DMD: variants seen among roughly 807,000 people sequenced by gnomAD.
DMD encodes dystrophin, also known as mutant dystrophin.
In DMD, 63 loss-of-function variants were observed where a neutral mutation model predicts 330.1. That is an observed-to-expected ratio of 0.19 (90% CI 0.16 to 0.24). The LOEUF is 0.24. Ranked by LOEUF, DMD falls within the 10% of genes least tolerant of loss-of-function variation. DMD has a pLI of 1.00. For missense variants in DMD, 3,344 were observed against 2,684.1 expected, an observed-to-expected ratio of 1.25 and a Z score of -5.43; for synonymous variants, 1,223 against 959.8, an observed-to-expected ratio of 1.27 and a Z score of -5.07.
chrX:32,599,103 C>A (rs368989907), intron 12 of DMD, among the ~76,000 whole-genome samples: 1 of 112,120 alleles, frequency 8.9e-6, no homozygotes, highest in Admixed American at 9.5e-5. Flanking sequence ...TTTTTGAGCA[C>A]ACTAAATAGC....
At chrX:32,995,609 G>A (rs12861562) in intron 2 of DMD, among the ~76,000 whole-genome samples, 3,010 of 111,875 alleles carry the variant, frequency 0.027, 72 homozygotes, top group East Asian at 0.18. Context: ...ATATTGCCAC[G>A]GAAGAAGGCT....
At chrX:31,405,308 G>A (rs1222415232) in intron 60 of DMD, among the ~76,000 whole-genome samples, 1 of 112,062 alleles carries the variant, frequency 8.9e-6, no homozygotes, top group Non-Finnish European at 1.9e-5. Flanking sequence ...GAATTAAAAG[G>A]TTTAAAATGG....
chrX:33,250,207 C>T (rs1479827597), intron 1 of DMD, among the ~76,000 whole-genome samples: 1 of 103,150 alleles, frequency 9.7e-6, no homozygotes, highest in Admixed American at 1.1e-4. Context: ...TTGTGGAAGA[C>T]AATTATTCCA....
Position 32,614,980 on chromosome X carries a change from C to A in DMD, c.1332-527G>T, listed in dbSNP as rs903599131. Among the ~76,000 whole-genome samples, 3 of 110,739 alleles carry A rather than the reference C, an allele frequency of 2.7e-5. No individual in the cohort carries two copies. In the South Asian group the frequency reaches 1.1e-3, roughly 42 times the overall value. On this transcript the variant is annotated intron_variant, in intron 11 of 78. Transcript: ENST00000357033. ...ATTTGTATTTCTTCCTCTCTTGAAG[C>A]CTAGATTCCATGCTGTAAAGGAGGC...
At chrX:32,073,089 T>G (rs181807077) in intron 44 of DMD, among the ~76,000 whole-genome samples, 1 of 112,177 alleles carries the variant, frequency 8.9e-6, no homozygotes, top group South Asian at 3.6e-4. Flanking sequence ...ACGTACTTAC[T>G]ACTTCACTTA....
intron 7 of DMD, among the ~76,000 whole-genome samples, chrX:32,772,213 C>T (rs2073684308): frequency 8.9e-6 from 1 of 112,453 alleles, no homozygotes; most frequent in African/African-American, 3.2e-5. Flanking sequence ...TTTTTGAATG[C>T]CGTTATTAAT....
chrX:32,326,858 GA>G (rs2097653206), intron 41 of DMD, among the ~76,000 whole-genome samples: 1 of 107,994 alleles, frequency 9.3e-6, no homozygotes, highest in African/African-American at 3.4e-5. Flanking sequence ...AGTGAGCCGA[GA>G]TCATGCCACT....
intron 18 of DMD, chrX:32,517,686 C>G (rs2148801478): frequency 2.8e-6 from 1 of 351,049 alleles, no homozygotes; most frequent in Non-Finnish European, 4.9e-6. Flanking sequence ...TTGCTAAGGC[C>G]TAGCCTTGAG....
chrX:31,411,759 G>C (rs77694219), intron 60 of DMD, among the ~76,000 whole-genome samples: 1 of 109,840 alleles, frequency 9.1e-6, no homozygotes, highest in Non-Finnish European at 1.9e-5. Context: ...TCAGCCTCCC[G>C]AGTAGCTGGG....
intron 47 of DMD, among the ~76,000 whole-genome samples, chrX:31,895,422 A>AT (rs761017177): frequency 3.6e-5 from 4 of 111,637 alleles, no homozygotes; most frequent in Non-Finnish European, 7.5e-5. Context: ...ACTTTTCAGT[A>AT]TTTTTTGTTG....
chrX:32,912,433 C>T (rs1015198212), intron 2 of DMD, among the ~76,000 whole-genome samples: 2 of 110,898 alleles, frequency 1.8e-5, no homozygotes, highest in African/African-American at 6.6e-5. Flanking sequence ...AGGGCACATA[C>T]ATGGGCCCTG....
chrX:31,197,951 G>A (rs939865133), intron 67 of DMD, among the ~76,000 whole-genome samples: 3 of 105,386 alleles, frequency 2.8e-5, no homozygotes, highest in Non-Finnish European at 3.9e-5. Context: ...GTACGGAACC[G>A]GAAGACGTTA....
At chrX:32,678,161 T>G (rs774093049) in intron 9 of DMD, among the ~76,000 whole-genome samples, 1 of 111,911 alleles carries the variant, frequency 8.9e-6, no homozygotes, top group Non-Finnish European at 1.9e-5. Flanking sequence ...GCAAGATGAA[T>G]AAATTCTAAA....
At chrX:32,262,832 AG>A (rs1279578984) in intron 43 of DMD, among the ~76,000 whole-genome samples, 1 of 111,997 alleles carries the variant, frequency 8.9e-6, no homozygotes, top group African/African-American at 3.2e-5. Context: ...CTAATGGATT[AG>A]GGATACAATG....
chrX:32,738,647 G>A (rs1053724340), intron 7 of DMD, among the ~76,000 whole-genome samples: 1 of 111,846 alleles, frequency 8.9e-6, no homozygotes, highest in Non-Finnish European at 1.9e-5. Flanking sequence ...TTGAATGGAG[G>A]TAAAACTAGG....
At chrX:32,485,212 A>G in intron 20 of DMD, 113 bp from the exon 21 acceptor site, 1 of 675,436 alleles carries the variant, frequency 1.5e-6, no homozygotes, top group Non-Finnish European at 2.4e-6. Flanking sequence ...CCCTTCACAA[A>G]TATCTGATAA....
intron 2 of DMD, among the ~76,000 whole-genome samples, chrX:32,868,293 G>T (rs140169802): frequency 9.0e-6 from 1 of 111,504 alleles, no homozygotes; most frequent in Admixed American, 9.5e-5. Context: ...GCAGATTCTC[G>T]CAGGCCACTC....
intron 52 of DMD, among the ~76,000 whole-genome samples, chrX:31,709,578 C>CTCTCTG (rs1465990815): frequency 2.4e-5 from 2 of 81,878 alleles, no homozygotes; most frequent in African/African-American, 1.1e-4. Context: ...CTCTCTCTCT[C>CTCTCTG]TCTGTCTGTG....
intron 41 of DMD, among the ~76,000 whole-genome samples, chrX:32,312,988 G>GCTGAATTC (rs1328769615): frequency 2.8e-5 from 2 of 70,334 alleles, no homozygotes; most frequent in Non-Finnish European, 5.9e-5. Flanking sequence ...CGGATTCACA[G>GCTGAATTC]CTGAATTCTA....
Sources: gnomAD v4.1 joint callset for allele counts (sites outside exome capture counted in the v4.1 genomes callset) on GRCh38, gnomAD v4.1.1 for gene constraint, MANE v1.5 for transcripts, NCBI Gene and HGNC (gene_info 2026-07-23, HGNC 2026-07-21) for gene names.